Variants in KDM4E observed in about 807,000 individuals in gnomAD.
KDM4E encodes lysine-specific demethylase 4E.
For synonymous variants in KDM4E, 229 were observed against 232.9 expected (o/e 0.98, Z 0.15); for missense variants, 576 against 642.6 (o/e 0.90, Z 1.12).
rs1555102582 is a variant in KDM4E, at chr11:95,025,661, T to A, written c.104T>A (p.Met35Lys). ...FADFNTYVAY[M>K]ESQGAHQAGL... is the part of the protein sequence containing the mutation. Reference sequence around the variant, plus strand: ...GATTTCAACACATATGTTGCTTACATGGAGTCCCAAGGCGCACATCAAGCT... The same window carrying A: ...GATTTCAACACATATGTTGCTTACAAGGAGTCCCAAGGCGCACATCAAGCT... The change falls in exon 1 of 1, where the codon ATG becomes AAG. Residue 35 changes from methionine to lysine, a missense_variant. Physicochemically the swap from Met to Lys is moderately conservative, Grantham distance 95 (BLOSUM62 -1). Transcript: ENST00000450979. 6.5e-7 allele frequency: 1 copy of A among 1,544,304 alleles called. No individual in the cohort carries two copies. The highest frequency in any genetic ancestry group is 8.7e-7 in the Non-Finnish European group (1 of 1,150,270).
chr11:95,027,209 T>G lies in KDM4E; in HGVS notation c.*131T>G, dbSNP rs563292612. 2.1e-4 allele frequency: 251 copies of G among 1,221,232 alleles called. No individual in the cohort carries two copies. Among genetic ancestry groups the G allele is most frequent in the Non-Finnish European group, 2.6e-4 (239 of 902,206 alleles). 75.6% of individuals were successfully genotyped at this position (1,221,232 alleles called of 1,614,324 possible). A position where few individuals can be genotyped will look rare whatever the true frequency, so the allele number is the denominator to read the frequency against. On this transcript the variant is annotated 3_prime_UTR_variant, in exon 1 of 1. Transcript: ENST00000450979. Reference sequence around the variant, plus strand: ...TGTGCCTGCTATCCCTCAACAGCACTACTAGTAATCTCCCTGATGTTGTCT... The same window carrying G: ...TGTGCCTGCTATCCCTCAACAGCACGACTAGTAATCTCCCTGATGTTGTCT...
In KDM4E at chr11:95,026,757, T is replaced by G; in HGVS notation, c.1200T>G (p.Asp400Glu). The G allele has an allele frequency of 6.5e-7, 1 of 1,537,264 alleles. No individual in the cohort carries two copies. ...ACAACCCAAAAGGCTGTGGCACTGA[T>G]GCTGTGCCTGGATCCGCATTCCAAA... ...HCYNPKGCGT[D>E]AVPGSAFQSS... is the part of the protein sequence containing the mutation. Residue 400 changes from aspartate (D) to glutamate (E), a missense_variant, in exon 1 of 1, where the codon GAT (aspartate) becomes GAG (glutamate). Coordinates refer to ENST00000450979, the MANE Select transcript of KDM4E (RefSeq NM_001161630.1).
rs766246944 is a variant in KDM4E, at chr11:95,025,868, G to C, written c.311G>C (p.Ser104Thr). 11 of 1,594,180 alleles carry C rather than the reference G, an allele frequency of 6.9e-6. No homozygotes were observed. The Admixed American group carries it at 1.9e-4, about 27-fold the overall frequency. ...RVGQYRRLAN[S>T]KKYQTPPHQN... ...GGGCAGTATCGCCGCTTGGCAAACA[G>C]TAAAAAATATCAGACTCCGCCACAC... Residue 104 changes from serine (S) to threonine (T), a missense_variant, in exon 1 of 1, where the codon AGT becomes ACT. Ser to Thr is a moderately conservative substitution (Grantham distance 58, BLOSUM62 1). Transcript: ENST00000450979.
Position 95,027,297 on chromosome 11 carries a change from T to C in KDM4E, c.*219T>C. On this transcript the variant is annotated 3_prime_UTR_variant, in exon 1 of 1. Coordinates refer to ENST00000450979, the MANE Select transcript of KDM4E (RefSeq NM_001161630.1). ...GTTTTCCAGGGACACTGGTGGGGAC[T>C]GGAACTGATTAAGTTCACCAGGGAC... 1 of 637,492 alleles carries C rather than the reference T, an allele frequency of 1.6e-6. No individual in the cohort carries two copies. The highest frequency in any genetic ancestry group is 2.6e-6 in the Non-Finnish European group (1 of 382,188). The allele number at this position is 637,492 out of a possible 1,614,324, so 39.5% of individuals were successfully genotyped here. A position where few individuals can be genotyped will look rare whatever the true frequency, so the allele number is the denominator to read the frequency against.
chr11:95,026,287 G>T lies in KDM4E; in HGVS notation c.730G>T (p.Ala244Ser), dbSNP rs184666923. The change falls in exon 1 of 1, where the codon GCC (alanine) becomes TCC (serine). Residue 244 changes from alanine (A) to serine (S), a missense_variant. Physicochemically the swap from Ala to Ser is moderately conservative, Grantham distance 99. Coordinates refer to ENST00000450979, the MANE Select transcript of KDM4E (RefSeq NM_001161630.1). Reference sequence around the variant, plus strand: ...TGAGGCCTTCCTGCGGCACAAAGTGGCCCTCATCTCGCCTACAGTTCTCAA... The same window carrying T: ...TGAGGCCTTCCTGCGGCACAAAGTGTCCCTCATCTCGCCTACAGTTCTCAA... ...GCEAFLRHKVALISPTVLKEN... is the reference protein window; with the variant it reads ...GCEAFLRHKVSLISPTVLKEN... 1 of 1,613,998 alleles carries T rather than the reference G, an allele frequency of 6.2e-7. No homozygotes were observed. The highest frequency in any genetic ancestry group is 1.3e-5 in the African/African-American group (1 of 75,036).
rs1858246078 is a variant in KDM4E, at chr11:95,025,279, A to G, written c.-279A>G. The G allele has an allele frequency of 5.2e-6, 2 of 382,014 alleles. No homozygotes were observed. The highest frequency in any genetic ancestry group is 9.3e-6 in the Non-Finnish European group (2 of 216,050). 23.7% of individuals were successfully genotyped at this position (382,014 alleles called of 1,614,324 possible). ...GCACCCAAGCCTGAGAATCAGGAGA[A>G]GCCTCACAGTGACACCCCCAACTGA... On this transcript the variant is annotated 5_prime_UTR_variant, in exon 1 of 1. Transcript: ENST00000450979.
chr11:95,026,312 A>G lies in KDM4E; in HGVS notation c.755A>G (p.Lys252Arg). 1 of 1,614,016 alleles carries G rather than the reference A, an allele frequency of 6.2e-7. No individual in the cohort carries two copies. The highest frequency in any genetic ancestry group is 8.5e-7 in the Non-Finnish European group (1 of 1,180,020). Reference sequence around the variant, plus strand: ...GCCCTCATCTCGCCTACAGTTCTCAAGGAAAATGGGATTCCCTTCAATTGC... The same window carrying G: ...GCCCTCATCTCGCCTACAGTTCTCAGGGAAAATGGGATTCCCTTCAATTGC... ...KVALISPTVLKENGIPFNCMT... is the reference protein window; with the variant it reads ...KVALISPTVLRENGIPFNCMT... Residue 252 changes from lysine (K) to arginine (R), a missense_variant, in exon 1 of 1, where the codon AAG (lysine) becomes AGG (arginine). Transcript: ENST00000450979.
Position 95,025,418 on chromosome 11 carries a change from T to A in KDM4E, c.-140T>A. 6 of 1,265,564 alleles carry A rather than the reference T, an allele frequency of 4.7e-6. No individual in the cohort carries two copies. Among genetic ancestry groups the A allele is most frequent in the Non-Finnish European group, 6.3e-6 (6 of 948,550 alleles). The allele number at this position is 1,265,564 out of a possible 1,614,324, so 78.4% of individuals were successfully genotyped here. ...GTGAAAGATCTCACTTGTTCAAAAG[T>A]CCAAGTGTGAATTACTGTCTCACAG... On this transcript the variant is annotated 5_prime_UTR_variant, in exon 1 of 1. Transcript: ENST00000450979.
rs1565427450 is a variant in KDM4E, at chr11:95,026,510, TG to T, written c.955del (p.Asp319ThrfsTer37). Reference sequence around the variant, plus strand: ...GGGGAGTCGACAGTGACCTTTTCCATGGACCCCTTTGTGCGCATTGTGCAAC... The same window carrying T: ...GGGGAGTCGACAGTGACCTTTTCCATGACCCCTTTGTGCGCATTGTGCAAC... ...SCGESTVTFS[M>X]DPFVRIVQPE... On this transcript the variant is annotated frameshift_variant, in exon 1 of 1. Transcript: ENST00000450979. LOFTEE classifies it low-confidence loss of function (END_TRUNC). 5.1e-6 allele frequency: 8 copies of T among 1,583,688 alleles called. No homozygotes were observed. Among genetic ancestry groups the T allele is most frequent in the Non-Finnish European group, 6.8e-6 (8 of 1,170,578 alleles).
At position 95,026,628 on chromosome 11, in the gene KDM4E, C is replaced by G. The variant is rs782357384; in HGVS notation, c.1071C>G (p.Asn357Lys). Residue 357 changes from asparagine to lysine, a missense_variant, in exon 1 of 1, where the codon AAC becomes AAG. By Grantham distance (94) the Asn-to-Lys change is moderately conservative. Coordinates refer to ENST00000450979, the MANE Select transcript of KDM4E (RefSeq NM_001161630.1). ...TTGCAGAAAGCCAAGAGCTGAGCAACTGGAGAGATGATATAGTACTTAGAA... is the reference window on the plus strand; with the variant it reads ...TTGCAGAAAGCCAAGAGCTGAGCAAGTGGAGAGATGATATAGTACTTAGAA... ...PRVAESQELS[N>K]WRDDIVLRRA... 78 of 1,537,196 alleles carry G rather than the reference C, an allele frequency of 5.1e-5. No individual in the cohort carries two copies. Among genetic ancestry groups the G allele is most frequent in the Non-Finnish European group, 6.6e-5 (76 of 1,146,936 alleles).
Position 95,026,948 on chromosome 11 carries a change from T to A in KDM4E, c.1391T>A (p.Leu464Gln), listed in dbSNP as rs781939619. The A allele has an allele frequency of 6.5e-7, 1 of 1,537,166 alleles. No individual in the cohort carries two copies. The highest frequency in any genetic ancestry group is 1.2e-5 in the South Asian group (1 of 84,060). ...GRGHGCCTRE[L>Q]GTEEPTVQPA... Reference sequence around the variant, plus strand: ...GGTCATGGTTGTTGTACTCGAGAACTGGGGACTGAGGAGCCAACTGTTCAG... The same window carrying A: ...GGTCATGGTTGTTGTACTCGAGAACAGGGGACTGAGGAGCCAACTGTTCAG... The change falls in exon 1 of 1, where the codon CTG becomes CAG. Residue 464 changes from leucine (L) to glutamine (Q), a missense_variant. Coordinates refer to ENST00000450979, the MANE Select transcript of KDM4E (RefSeq NM_001161630.1).
chr11:95,026,582 T>C lies in KDM4E; in HGVS notation c.1025T>C (p.Val342Ala). 1 of 1,538,212 alleles carries C rather than the reference T, an allele frequency of 6.5e-7. No individual in the cohort carries two copies. Among genetic ancestry groups the C allele is most frequent in the Non-Finnish European group, 8.7e-7 (1 of 1,147,304 alleles). The change falls in exon 1 of 1, where the codon GTG becomes GCG. Residue 342 changes from valine (V) to alanine (A), a missense_variant. By Grantham distance (64) the Val-to-Ala change is moderately conservative. Coordinates refer to ENST00000450979, the MANE Select transcript of KDM4E (RefSeq NM_001161630.1). ...LWKHRQDLAI[V>A]EHTEPRVAES... ...AAACACAGGCAAGACTTGGCCATTG[T>C]GGAACACACAGAGCCCAGGGTTGCA...
Position 95,027,260 on chromosome 11 carries a change from G to A in KDM4E, c.*182G>A. ...GCATGACTCCTCCCAATGTCATTGT[G>A]CCTTTGATTAAGTTTTCCAGGGACA... On this transcript the variant is annotated 3_prime_UTR_variant, in exon 1 of 1. Coordinates refer to ENST00000450979, the MANE Select transcript of KDM4E (RefSeq NM_001161630.1). 1.1e-6 allele frequency: 1 copy of A among 871,990 alleles called. No homozygotes were observed. The highest frequency in any genetic ancestry group is 1.7e-6 in the Non-Finnish European group (1 of 589,000). The allele number at this position is 871,990 out of a possible 1,614,324, so 54.0% of individuals were successfully genotyped here.
At position 95,026,530 on chromosome 11, in the gene KDM4E, G is replaced by C. The variant is rs782478185; in HGVS notation, c.973G>C (p.Val325Leu). The change falls in exon 1 of 1, where the codon GTG becomes CTG. Residue 325 changes from valine to leucine, a missense_variant. Physicochemically the swap from Val to Leu is conservative, Grantham distance 32 (BLOSUM62 1). Transcript: ENST00000450979. ...TTCCATGGACCCCTTTGTGCGCATTGTGCAACCCGAGAGTTATGAGCTCTG... is the reference window on the plus strand; with the variant it reads ...TTCCATGGACCCCTTTGTGCGCATTCTGCAACCCGAGAGTTATGAGCTCTG... ...TFSMDPFVRI[V>L]QPESYELWKH... 1.9e-6 allele frequency: 3 copies of C among 1,560,536 alleles called. No homozygotes were observed. The highest frequency in any genetic ancestry group is 1.3e-5 in the African/African-American group (1 of 74,162).
rs1331271659 is a variant in KDM4E at position 95,027,311 on chromosome 11, T to G, written c.*233T>G. 6 of 580,882 alleles carry G rather than the reference T, an allele frequency of 1.0e-5. No homozygotes were observed. The African/African-American group carries it at 1.1e-4, about 11-fold the overall frequency. The allele number at this position is 580,882 out of a possible 1,614,324, so 36.0% of individuals were successfully genotyped here. On this transcript the variant is annotated 3_prime_UTR_variant, in exon 1 of 1. Transcript: ENST00000450979. The stretch of plus-strand genomic sequence containing the variant: ...CTGGTGGGGACTGGAACTGATTAAG[T>G]TCACCAGGGACACTTGCCTGGTGAA...
At position 95,026,195 on chromosome 11, in the gene KDM4E, C is replaced by T; in HGVS notation, c.638C>T (p.Pro213Leu). ...FGEPKTWYVV[P>L]PEHGQHLERL... ...GAGCCCAAAACTTGGTACGTGGTGCCCCCAGAACATGGTCAGCACCTGGAA... is the reference window on the plus strand; with the variant it reads ...GAGCCCAAAACTTGGTACGTGGTGCTCCCAGAACATGGTCAGCACCTGGAA... Residue 213 changes from proline (P) to leucine (L), a missense_variant, in exon 1 of 1, where the codon CCC becomes CTC. By Grantham distance (98) the Pro-to-Leu change is moderately conservative (BLOSUM62 -3). Transcript: ENST00000450979. The T allele has an allele frequency of 1.2e-6, 2 of 1,614,116 alleles. No homozygotes were observed. Among genetic ancestry groups the T allele is most frequent in the Non-Finnish European group, 1.7e-6 (2 of 1,180,018 alleles).
At position 95,025,439 on chromosome 11, in the gene KDM4E, C is replaced by T; in HGVS notation, c.-119C>T. 2.8e-6 allele frequency: 4 copies of T among 1,410,984 alleles called. No homozygotes were observed. Among genetic ancestry groups the T allele is most frequent in the Middle Eastern group, 2.3e-4 (1 of 4,342 alleles). The allele number at this position is 1,410,984 out of a possible 1,614,324, so 87.4% of individuals were successfully genotyped here. A position where few individuals can be genotyped will look rare whatever the true frequency, so the allele number is the denominator to read the frequency against. On this transcript the variant is annotated 5_prime_UTR_variant, in exon 1 of 1. Transcript: ENST00000450979. The stretch of plus-strand genomic sequence containing the variant: ...AAAGTCCAAGTGTGAATTACTGTCT[C>T]ACAGATAAACCAAAGTATTTTGAAA...
rs1019724220 is a variant in KDM4E, at chr11:95,025,843, G to C, written c.286G>C (p.Gly96Arg). 6.3e-7 allele frequency: 1 copy of C among 1,595,686 alleles called. No homozygotes were observed. Among genetic ancestry groups the C allele is most frequent in the Non-Finnish European group, 8.5e-7 (1 of 1,176,538 alleles). Reference protein sequence around the residue: ...YHKKKKAMRVGQYRRLANSKK... With the variant: ...YHKKKKAMRVRQYRRLANSKK... ...TAAAAAGAAGAAAGCCATGAGGGTGGGGCAGTATCGCCGCTTGGCAAACAG... is the reference window on the plus strand; with the variant it reads ...TAAAAAGAAGAAAGCCATGAGGGTGCGGCAGTATCGCCGCTTGGCAAACAG... Residue 96 changes from glycine (G) to arginine (R), a missense_variant, in exon 1 of 1, where the codon GGG becomes CGG. By Grantham distance (125) the Gly-to-Arg change is moderately radical. Coordinates refer to ENST00000450979, the MANE Select transcript of KDM4E (RefSeq NM_001161630.1).
At position 95,027,075 on chromosome 11, in the gene KDM4E, T is replaced by G. The variant is rs1555103076; in HGVS notation, c.1518T>G (p.Leu506=). 6.5e-7 allele frequency: 1 copy of G among 1,536,014 alleles called. No homozygotes were observed. The highest frequency in any genetic ancestry group is 2.0e-5 in the Admixed American group (1 of 50,884). ...LANDLMTNLS[L] is the part of the protein sequence containing the mutation. ...ATGATTTGATGACAAATCTGTCCCT[T>G]TGAGTGGTGGCCTTCAGCATCTTGC... Residue 506 remains leucine (L), a synonymous_variant, in exon 1 of 1, where the codon CTT becomes CTG. Coordinates refer to ENST00000450979, the MANE Select transcript of KDM4E (RefSeq NM_001161630.1).
Sources: allele counts gnomAD v4.1 joint callset, GRCh38; gene constraint gnomAD v4.1.1; transcripts MANE v1.5; gene names NCBI Gene and HGNC (gene_info 2026-07-23, HGNC 2026-07-21).